CLYBL: variants seen among roughly 807,000 people sequenced by gnomAD.
The protein encoded by CLYBL is citramalyl-CoA lyase, also known as citramalyl-CoA lyase, mitochondrial.
CLYBL carries 31 observed loss-of-function variants against 38.9 expected under a neutral mutation model. The observed-to-expected ratio is 0.80, with a 90% CI of 0.60 to 1.08. The LOEUF (loss-of-function observed/expected upper bound fraction) is 1.08. Among genes scored for constraint, CLYBL ranks in the 50% least tolerant of loss-of-function variants. The pLI, the probability that CLYBL is intolerant of heterozygous loss-of-function variation, is 0.00. For missense variants in CLYBL, 434 were observed against 411.6 expected (o/e 1.05, Z -0.47); for synonymous variants, 171 against 158.6 (o/e 1.08, Z -0.59).
intron 1 of CLYBL, among the ~76,000 whole-genome samples, chr13:99,752,438 A>G (rs1419966572): frequency 6.6e-6 from 1 of 152,108 alleles, no homozygotes; most frequent in Admixed American, 6.5e-5. Context: ...GGAGTTGCAC[A>G]TGAGTGATAC....
intron 2 of CLYBL, among the ~76,000 whole-genome samples, chr13:99,801,243 G>A (rs1368950654): frequency 6.6e-6 from 1 of 152,172 alleles, no homozygotes; most frequent in Non-Finnish European, 1.5e-5. Flanking sequence ...TTTAAATGCA[G>A]GCTTAATGTT....
At chr13:99,803,160 A>G (rs73570402) in intron 2 of CLYBL, among the ~76,000 whole-genome samples, 88 of 152,242 alleles carry the variant, frequency 5.8e-4, no homozygotes, top group African/African-American at 2.0e-3. Context: ...ACTTTTCATC[A>G]CCAGTGACAG....
chr13:99,900,262 C>T (rs1226324672), downstream of CLYBL, among the ~76,000 whole-genome samples: 1 of 152,138 alleles, frequency 6.6e-6, no homozygotes, highest in Non-Finnish European at 1.5e-5. Flanking sequence ...GAAGTATATG[C>T]TCTCACAGGA....
At chr13:99,907,809 G>A (rs2052711924) in intron 9 of CLYBL, among the ~76,000 whole-genome samples, 1 of 152,180 alleles carries the variant, frequency 6.6e-6, no homozygotes, top group Non-Finnish European at 1.5e-5. Flanking sequence ...AGCCTGGCCA[G>A]CATAGCAAGA....
At chr13:99,900,335 T>C (rs533320539), downstream of CLYBL, among the ~76,000 whole-genome samples, 25 of 152,200 alleles carry the variant, frequency 1.6e-4, no homozygotes, top group South Asian at 1.0e-3. Context: ...CACGTGCATT[T>C]TGGGGAGCTG....
chr13:99,722,003 C>CA (rs1441422022), intron 1 of CLYBL, among the ~76,000 whole-genome samples: 1 of 152,186 alleles, frequency 6.6e-6, no homozygotes, highest in South Asian at 2.1e-4. Context: ...TTGTGATTTC[C>CA]AACCCATCTG....
chr13:99,718,388 A>T (rs934721578), intron 1 of CLYBL, among the ~76,000 whole-genome samples: 1 of 152,052 alleles, frequency 6.6e-6, no homozygotes, highest in East Asian at 1.9e-4. Flanking sequence ...AAAAAAAAAA[A>T]ACCTAGAGAG....
At chr13:99,866,944 G>A (rs1454937189) in intron 6 of CLYBL, among the ~76,000 whole-genome samples, 2 of 152,060 alleles carry the variant, frequency 1.3e-5, no homozygotes, top group Non-Finnish European at 2.9e-5. Context: ...CGACACCTAC[G>A]GGCATAGGCT....
At chr13:99,610,060 G>A (rs1168947415) in intron 1 of CLYBL, among the ~76,000 whole-genome samples, 2 of 152,148 alleles carry the variant, frequency 1.3e-5, no homozygotes, top group African/African-American at 4.8e-5. Flanking sequence ...ACACCACTAT[G>A]CCCAGCTAAT....
At chr13:99,774,818 T>C (rs1228471953) in intron 2 of CLYBL, among the ~76,000 whole-genome samples, 1 of 152,204 alleles carries the variant, frequency 6.6e-6, no homozygotes, top group Admixed American at 6.5e-5. Context: ...CTCCCAGAGA[T>C]TAAAGTAAAT....
At chr13:99,672,395 G>T (rs2047579101) in intron 1 of CLYBL, among the ~76,000 whole-genome samples, 1 of 151,830 alleles carries the variant, frequency 6.6e-6, no homozygotes, top group Non-Finnish European at 1.5e-5. Context: ...TCTTTACTGG[G>T]TAAGTATAAA....
chr13:99,824,868 G>A lies in CLYBL; in HGVS notation c.250-33993G>A, dbSNP rs141353593. Among the ~76,000 whole-genome samples the A allele has an allele frequency of 5.6e-3, 856 of 152,228 alleles. 7 individuals are homozygous for A. Among genetic ancestry groups the A allele is most frequent in the African/African-American group, 0.02 (817 of 41,536 alleles). The stretch of plus-strand genomic sequence containing the variant: ...GATGATCAGCTGAGGAAACAACCTC[G>A]AATTTTTCCCTCATTATTTGTTAGG... On this transcript the variant is annotated intron_variant, in intron 2 of 8. Transcript: ENST00000339105.
At chr13:99,692,209 A>G (rs2047913359) in intron 1 of CLYBL, among the ~76,000 whole-genome samples, 1 of 151,110 alleles carries the variant, frequency 6.6e-6, no homozygotes, top group Admixed American at 6.6e-5. Flanking sequence ...CCCCACACTG[A>G]CCTCCCATTG....
At chr13:99,618,425 C>T (rs529802642) in intron 1 of CLYBL, among the ~76,000 whole-genome samples, 81 of 152,036 alleles carry the variant, frequency 5.3e-4, no homozygotes, top group African/African-American at 1.0e-3. Context: ...CCCGCCACCA[C>T]GCCTGGCTAA....
chr13:99,620,037 A>G (rs1173152646), intron 1 of CLYBL, among the ~76,000 whole-genome samples: 1 of 152,188 alleles, frequency 6.6e-6, no homozygotes, highest in Non-Finnish European at 1.5e-5. Flanking sequence ...TTAGGTCCTC[A>G]GAAGGGGCGG....
At chr13:99,884,087 G>A (rs1410515686) in intron 7 of CLYBL, among the ~76,000 whole-genome samples, 1 of 152,164 alleles carries the variant, frequency 6.6e-6, no homozygotes, top group Non-Finnish European at 1.5e-5. Context: ...GCCTTGACCA[G>A]GCTCAAGCGA....
intron 1 of CLYBL, among the ~76,000 whole-genome samples, chr13:99,724,970 C>CCTTCT (rs1265120655): frequency 6.6e-6 from 1 of 152,190 alleles, no homozygotes. Context: ...TTGATTAATT[C>CCTTCT]CTTCTCTTTT....
chr13:99,733,577 G>A (rs932251316), intron 1 of CLYBL, among the ~76,000 whole-genome samples: 1 of 152,214 alleles, frequency 6.6e-6, no homozygotes, highest in Non-Finnish European at 1.5e-5. Flanking sequence ...TATCGAAGTA[G>A]ATAAATGGGC....
intron 1 of CLYBL, among the ~76,000 whole-genome samples, chr13:99,641,314 T>C (rs191776815): frequency 1.6e-3 from 241 of 152,316 alleles, no homozygotes; most frequent in African/African-American, 5.5e-3. Context: ...TTAAGTTTGG[T>C]ATTGACATTG....
Sources: gnomAD v4.1 joint callset for allele counts (sites outside exome capture counted in the v4.1 genomes callset) on GRCh38, gnomAD v4.1.1 for gene constraint, MANE v1.5 for transcripts, NCBI Gene and HGNC (gene_info 2026-07-23, HGNC 2026-07-21) for gene names.